FBXL5: variants seen among roughly 807,000 people sequenced by gnomAD.
The protein encoded by FBXL5 is F-box/LRR-repeat protein 5.
FBXL5 carries 26 observed loss-of-function variants against 78.3 expected under a neutral mutation model. That is an observed-to-expected ratio of 0.33 (90% CI 0.24 to 0.46). The LOEUF (loss-of-function observed/expected upper bound fraction) is 0.46. Ranked by LOEUF, FBXL5 falls within the 20% of genes least tolerant of loss-of-function variation. The pLI is 1.00. For missense variants in FBXL5, 710 were observed against 829.2 expected (o/e 0.86, Z 1.77); for synonymous variants, 295 against 282.5 (o/e 1.04, Z -0.45).
chr4:15,673,204 C>T (rs1717836158), intron 1 of FBXL5, among the ~76,000 whole-genome samples: 1 of 152,088 alleles, frequency 6.6e-6, no homozygotes, highest in Non-Finnish European at 1.5e-5. Context: ...CTTTGGGAGG[C>T]CGAGGTAGCT....
chr4:15,616,453 C>T (rs1711894040), intron 9 of FBXL5, among the ~76,000 whole-genome samples: 1 of 152,252 alleles, frequency 6.6e-6, no homozygotes, highest in Non-Finnish European at 1.5e-5. Flanking sequence ...GCCCAGACTA[C>T]AAGCCTCCCC....
Position 15,605,869 on chromosome 4 carries a change from A to C in FBXL5, c.2000-70T>G, listed in dbSNP as rs896108611. 4 of 1,202,224 alleles carry C rather than the reference A, an allele frequency of 3.3e-6. No homozygotes were observed. The Admixed American group carries it at 7.6e-5, about 23-fold the overall frequency. 74.5% of individuals were successfully genotyped at this position (1,202,224 alleles called of 1,614,324 possible). A position where few individuals can be genotyped will look rare whatever the true frequency, so the allele number is the denominator to read the frequency against. On this transcript the variant is annotated intron_variant, in intron 10 of 10. Transcript: ENST00000341285. ...TCACATAAAAATAATTTTGCTTATG[A>C]AGGAGTTAAACATTCATTGGTTTTA... is the stretch of plus-strand genomic sequence containing the variant.
chr4:15,656,684 C>A (rs575387733), upstream of FBXL5, among the ~76,000 whole-genome samples: 1 of 150,122 alleles, frequency 6.7e-6, no homozygotes, highest in South Asian at 2.1e-4. Flanking sequence ...GCTATACAAC[C>A]GTTAACAAGC....
At chr4:15,650,460 C>T (rs568849763) in intron 1 of FBXL5, among the ~76,000 whole-genome samples, 2 of 152,176 alleles carry the variant, frequency 1.3e-5, no homozygotes, top group South Asian at 4.1e-4. Flanking sequence ...AGATTTATGA[C>T]CTACTACTAA....
At chr4:15,622,809 C>T (rs1009137539) in intron 9 of FBXL5, among the ~76,000 whole-genome samples, 1 of 152,186 alleles carries the variant, frequency 6.6e-6, no homozygotes, top group Admixed American at 6.5e-5. Flanking sequence ...CAATTAGCCA[C>T]AGATAAGACA....
intron 9 of FBXL5, among the ~76,000 whole-genome samples, chr4:15,624,491 CA>C (rs1408039170): frequency 6.6e-6 from 1 of 151,676 alleles, no homozygotes; most frequent in African/African-American, 2.4e-5. Context: ...CGTAACCTAA[CA>C]AATCTTGAGG....
intron 1 of FBXL5, among the ~76,000 whole-genome samples, chr4:15,645,571 G>A (rs1715270647): frequency 1.3e-5 from 2 of 152,078 alleles, no homozygotes; most frequent in South Asian, 4.1e-4. Flanking sequence ...GGGATTACAG[G>A]TGCTCGCCAC....
At chr4:15,665,315 G>C (rs902654141) in intron 1 of FBXL5, among the ~76,000 whole-genome samples, 1 of 152,040 alleles carries the variant, frequency 6.6e-6, no homozygotes, top group Non-Finnish European at 1.5e-5. Flanking sequence ...CATCAGATGC[G>C]GTGTCAGGCA....
intron 1 of FBXL5, among the ~76,000 whole-genome samples, chr4:15,653,366 C>A (rs1390848040): frequency 6.6e-6 from 1 of 152,090 alleles, no homozygotes; most frequent in Non-Finnish European, 1.5e-5. Flanking sequence ...TCTCAACCAC[C>A]AGGAAGAGAC....
At chr4:15,670,919 T>G (rs1717739529) in intron 1 of FBXL5, among the ~76,000 whole-genome samples, 2 of 133,166 alleles carry the variant, frequency 1.5e-5, no homozygotes, top group East Asian at 4.3e-4. Context: ...GTAGACTTTT[T>G]TTTTTTTTTT....
upstream of FBXL5, among the ~76,000 whole-genome samples, chr4:15,660,290 C>T (rs1478360870): frequency 6.6e-6 from 1 of 152,020 alleles, no homozygotes; most frequent in Non-Finnish European, 1.5e-5. Context: ...ATGATGTTGC[C>T]TAGGCTGATC....
chr4:15,641,007 G>T, intron 2 of FBXL5, 124 bp from the exon 3 acceptor site: 1 of 515,318 alleles, frequency 1.9e-6, no homozygotes, highest in African/African-American at 2.0e-5. Context: ...ATTGCAAAGT[G>T]GTCTCTGTAC....
chr4:15,663,228 TAGTC>T (rs1242786552), upstream of FBXL5, among the ~76,000 whole-genome samples: 2 of 152,218 alleles, frequency 1.3e-5, no homozygotes, highest in Non-Finnish European at 2.9e-5. Flanking sequence ...ACATTGATAA[TAGTC>T]ATTCATTATT....
chr4:15,677,630 A>G (rs1304670102), intron 1 of FBXL5, among the ~76,000 whole-genome samples: 4 of 152,300 alleles, frequency 2.6e-5, no homozygotes, highest in African/African-American at 2.4e-5. Context: ...AAACACATTA[A>G]TGTGCTGGGA....
chr4:15,648,654 A>C (rs1455580433), intron 1 of FBXL5, among the ~76,000 whole-genome samples: 2 of 152,216 alleles, frequency 1.3e-5, no homozygotes. Context: ...CTATATATGG[A>C]ATCTAAAGTA....
chr4:15,641,938 G>A (rs367566118), intron 2 of FBXL5, among the ~76,000 whole-genome samples: 9 of 151,884 alleles, frequency 5.9e-5, no homozygotes, highest in South Asian at 2.1e-4. Context: ...GAGGCACGGA[G>A]AACTGCTTGA....
intron 1 of FBXL5, among the ~76,000 whole-genome samples, chr4:15,678,475 G>C (rs1718073610): frequency 6.6e-6 from 1 of 152,068 alleles, no homozygotes; most frequent in Admixed American, 6.5e-5. Flanking sequence ...AACTCAAAGG[G>C]GTTACAATTC....
chr4:15,654,081 G>A (rs985155990), intron 1 of FBXL5, among the ~76,000 whole-genome samples: 2 of 152,126 alleles, frequency 1.3e-5, no homozygotes, highest in African/African-American at 4.8e-5. Context: ...TAAATTGCTG[G>A]TCTTGAGTGT....
chr4:15,631,615 T>C (rs1200523730), intron 5 of FBXL5, among the ~76,000 whole-genome samples: 4 of 152,220 alleles, frequency 2.6e-5, no homozygotes, highest in African/African-American at 9.6e-5. Flanking sequence ...CCATTCTAAC[T>C]GGTGTGAGAT....
Sources: gnomAD v4.1 joint callset for allele counts (sites outside exome capture counted in the v4.1 genomes callset) on GRCh38, gnomAD v4.1.1 for gene constraint, MANE v1.5 for transcripts, NCBI Gene and HGNC (gene_info 2026-07-23, HGNC 2026-07-21) for gene names.